Variants in NEGR1 observed in about 807,000 individuals in gnomAD.
NEGR1 encodes the protein neuronal growth regulator 1.
In NEGR1, 10 loss-of-function variants were observed where a neutral mutation model predicts 40.9. The observed-to-expected ratio is 0.24, with a 90% CI of 0.15 to 0.42. NEGR1 has a LOEUF of 0.42. NEGR1 is among the 10% of genes least tolerant of loss of function. The probability of loss-of-function intolerance (pLI) is 1.00; values close to 1 mark genes in which losing one functional copy is unlikely to be tolerated. For missense variants in NEGR1, 352 were observed against 438.9 expected, an observed-to-expected ratio of 0.80 and a Z score of 1.77; for synonymous variants, 185 against 166.8, an observed-to-expected ratio of 1.11 and a Z score of -0.84.
intron 1 of NEGR1, among the ~76,000 whole-genome samples, chr1:72,075,558 T>G (rs545489717): frequency 2.0e-5 from 3 of 152,232 alleles, no homozygotes; most frequent in Non-Finnish European, 4.4e-5. Flanking sequence ...CTGTGAAGCA[T>G]CTACAGCTCA....
chr1:72,082,230 G>A (rs1648032393), intron 1 of NEGR1, among the ~76,000 whole-genome samples: 1 of 152,120 alleles, frequency 6.6e-6, no homozygotes, highest in African/African-American at 2.4e-5. Flanking sequence ...GGTGGGGGAA[G>A]AAAGGAAAGA....
chr1:72,214,624 A>T (rs538261946), intron 1 of NEGR1, among the ~76,000 whole-genome samples: 6 of 152,218 alleles, frequency 3.9e-5, no homozygotes, highest in African/African-American at 1.4e-4. Flanking sequence ...TGCTACAAAG[A>T]GAATAAAATA....
chr1:72,134,130 G>A (rs1650358283), intron 1 of NEGR1, among the ~76,000 whole-genome samples: 2 of 151,026 alleles, frequency 1.3e-5, no homozygotes, highest in African/African-American at 2.4e-5. Context: ...ATTGAAAGAT[G>A]TATTTAAGTA....
chr1:71,707,315 G>A (rs1221974306), intron 3 of NEGR1, among the ~76,000 whole-genome samples: 1 of 152,124 alleles, frequency 6.6e-6, no homozygotes, highest in Non-Finnish European at 1.5e-5. Context: ...CACACAAGCT[G>A]ACCTAAGATA....
intron 2 of NEGR1, among the ~76,000 whole-genome samples, chr1:71,816,697 TG>T (rs1367100032): frequency 6.6e-6 from 1 of 152,004 alleles, no homozygotes; most frequent in East Asian, 1.9e-4. Flanking sequence ...CATATCACTT[TG>T]TTTCATACAG....
At chr1:71,540,759 T>C (rs955837519) in intron 6 of NEGR1, among the ~76,000 whole-genome samples, 1 of 151,690 alleles carries the variant, frequency 6.6e-6, no homozygotes, top group Non-Finnish European at 1.5e-5. Flanking sequence ...AAGAAATACC[T>C]GAGACTGGGT....
intron 6 of NEGR1, among the ~76,000 whole-genome samples, chr1:71,481,598 C>G (rs1646854255): frequency 6.6e-6 from 1 of 151,828 alleles, no homozygotes; most frequent in Non-Finnish European, 1.5e-5. Flanking sequence ...TACGAATAGT[C>G]TAGATTTTTC....
chr1:72,099,784 T>G (rs1279969470), intron 1 of NEGR1, among the ~76,000 whole-genome samples: 1 of 151,878 alleles, frequency 6.6e-6, no homozygotes, highest in Non-Finnish European at 1.5e-5. Flanking sequence ...CTACATAAAT[T>G]TATTATTTTC....
intron 2 of NEGR1, among the ~76,000 whole-genome samples, chr1:71,815,030 G>C (rs1439141268): frequency 6.6e-6 from 1 of 151,904 alleles, no homozygotes; most frequent in African/African-American, 2.4e-5. Flanking sequence ...CTAGCTTTTT[G>C]ATGTGGGCAG....
At chr1:72,109,736 C>A (rs574894401) in intron 1 of NEGR1, among the ~76,000 whole-genome samples, 1 of 151,622 alleles carries the variant, frequency 6.6e-6, no homozygotes, top group Non-Finnish European at 1.5e-5. Context: ...CAGCTCCTAA[C>A]TGGCTTTAAA....
chr1:72,263,175 A>T (rs1021504401), intron 1 of NEGR1, among the ~76,000 whole-genome samples: 2 of 151,654 alleles, frequency 1.3e-5, no homozygotes, highest in Non-Finnish European at 3.0e-5. Context: ...AGTTATTTTT[A>T]AAAATTACCT....
intron 1 of NEGR1, among the ~76,000 whole-genome samples, chr1:72,259,780 T>G (rs1360977448): frequency 6.6e-6 from 1 of 152,082 alleles, no homozygotes; most frequent in Non-Finnish European, 1.5e-5. Context: ...AATTGTTCTT[T>G]GACAATAATG....
At chr1:71,940,773 C>T (rs12094087) in intron 1 of NEGR1, among the ~76,000 whole-genome samples, 40 of 152,194 alleles carry the variant, frequency 2.6e-4, no homozygotes, top group African/African-American at 9.4e-4. Flanking sequence ...AGGTGGACAT[C>T]AGAGAGTGTA....
chr1:71,683,001 G>A (rs1267190105), intron 4 of NEGR1, among the ~76,000 whole-genome samples: 3 of 65,232 alleles, frequency 4.6e-5, no homozygotes, highest in East Asian at 9.4e-4. Context: ...GCAGAATCAT[G>A]AGCCAAATAA....
At chr1:71,557,677 TA>T (rs1169181989) in intron 6 of NEGR1, among the ~76,000 whole-genome samples, 1 of 151,584 alleles carries the variant, frequency 6.6e-6, no homozygotes, top group Non-Finnish European at 1.5e-5. Flanking sequence ...TCCTTTAAGG[TA>T]AAAATCTTAT....
In NEGR1 at chr1:71,474,732, A is replaced by AC. The variant is rs897091617; in HGVS notation, c.941-67163_941-67162insG. Among the ~76,000 whole-genome samples, 7 of 144,794 alleles carry AC rather than the reference A, an allele frequency of 4.8e-5. No individual in the cohort carries two copies. The East Asian group carries it at 5.9e-4, about 12-fold the overall frequency. 95.0% of individuals were successfully genotyped at this position (144,794 alleles called of 152,430 possible). ...GACTCTATCTCAAAAAAAAAAAAAAAAAAAAACAAAAAAACAAAACCAGAA... is the reference window on the plus strand; with the variant it reads ...GACTCTATCTCAAAAAAAAAAAAAAACAAAAAACAAAAAAACAAAACCAGAA... On this transcript the variant is annotated intron_variant, in intron 6 of 6. Transcript: ENST00000357731.
chr1:71,505,137 C>G (rs1647023665), intron 6 of NEGR1, among the ~76,000 whole-genome samples: 1 of 152,104 alleles, frequency 6.6e-6, no homozygotes, highest in Admixed American at 6.5e-5. Context: ...CTATTAGAAC[C>G]CTGCATGTCA....
At chr1:71,746,067 C>A (rs1655371722) in intron 3 of NEGR1, among the ~76,000 whole-genome samples, 1 of 152,096 alleles carries the variant, frequency 6.6e-6, no homozygotes, top group African/African-American at 2.4e-5. Flanking sequence ...TTCATTGAAC[C>A]TACGCATAAA....
intron 6 of NEGR1, among the ~76,000 whole-genome samples, chr1:71,418,075 CT>C (rs34107424): frequency 5.8e-4 from 81 of 140,478 alleles, no homozygotes; most frequent in African/African-American, 1.0e-3. Context: ...CCAGGGTACA[CT>C]TTTTTTTTTT....
Sources: allele counts gnomAD v4.1 joint callset (sites outside exome capture counted in the v4.1 genomes callset), GRCh38; gene constraint gnomAD v4.1.1; transcripts MANE v1.5; gene names NCBI Gene and HGNC (gene_info 2026-07-23, HGNC 2026-07-21).